The following AGBL1 variants were observed in gnomAD, a reference collection of about 807,000 sequenced individuals.
The protein encoded by AGBL1 is cytosolic carboxypeptidase 4.
In AGBL1, 130 loss-of-function variants were observed where a neutral mutation model predicts 118.9. The observed-to-expected ratio is 1.09, with a 90% CI of 0.95 to 1.26. The LOEUF is 1.26. Among genes scored for constraint, AGBL1 ranks in the 50% most tolerant of loss-of-function variants. The pLI is 0.00. For missense variants in AGBL1, 1,584 were observed against 1,298.1 expected, an observed-to-expected ratio of 1.22 and a Z score of -3.38; for synonymous variants, 555 against 478.9, an observed-to-expected ratio of 1.16 and a Z score of -2.08.
intron 22 of AGBL1, among the ~76,000 whole-genome samples, chr15:86,740,622 G>A (rs149538535): frequency 2.6e-5 from 4 of 152,268 alleles, no homozygotes; most frequent in African/African-American, 7.2e-5. Flanking sequence ...ATTTATAAGT[G>A]CTTGTAGAAG....
chr15:86,221,995 G>A (rs2078288109), intron 5 of AGBL1, among the ~76,000 whole-genome samples: 1 of 152,184 alleles, frequency 6.6e-6, no homozygotes, highest in African/African-American at 2.4e-5. Context: ...TGCCTAGACA[G>A]TCTGGTGAAG....
intron 18 of AGBL1, among the ~76,000 whole-genome samples, chr15:86,485,588 T>A (rs529162677): frequency 4.9e-4 from 75 of 152,262 alleles, no homozygotes; most frequent in Admixed American, 9.2e-4. Flanking sequence ...GTACACTGAA[T>A]TTTAAATTTT....
intron 16 of AGBL1, among the ~76,000 whole-genome samples, chr15:86,284,396 C>T (rs73451546): frequency 0.033 from 5,019 of 152,118 alleles, 283 homozygotes; most frequent in African/African-American, 0.12. Context: ...TATCTAGAGA[C>T]TAATCATTTC....
At chr15:86,330,136 C>T (rs1346488890) in intron 17 of AGBL1, among the ~76,000 whole-genome samples, 1 of 152,192 alleles carries the variant, frequency 6.6e-6, no homozygotes, top group South Asian at 2.1e-4. Context: ...TGCTGCCTCC[C>T]TGGGAGCTGA....
At chr15:86,848,539 T>A (rs1003295726) in intron 22 of AGBL1, among the ~76,000 whole-genome samples, 1 of 152,220 alleles carries the variant, frequency 6.6e-6, no homozygotes, top group African/African-American at 2.4e-5. Context: ...TACCCCTTTA[T>A]AATACATGGT....
intron 22 of AGBL1, among the ~76,000 whole-genome samples, chr15:86,826,267 C>G (rs374793628): frequency 3.3e-5 from 5 of 152,072 alleles, no homozygotes; most frequent in African/African-American, 1.2e-4. Context: ...TTCTGGAGAA[C>G]TAACTGTTGC....
At chr15:86,194,202 G>A (rs1415192516) in intron 5 of AGBL1, among the ~76,000 whole-genome samples, 2 of 152,144 alleles carry the variant, frequency 1.3e-5, no homozygotes. Flanking sequence ...TCGTTTGGCT[G>A]GGCTGCTCTA....
chr15:86,259,332 T>A (rs1227703445), intron 9 of AGBL1, among the ~76,000 whole-genome samples: 1 of 152,238 alleles, frequency 6.6e-6, no homozygotes, highest in Non-Finnish European at 1.5e-5. Context: ...TTGGTGGACA[T>A]GGACTTTGAC....
chr15:86,702,784 G>A (rs889147550), intron 22 of AGBL1, among the ~76,000 whole-genome samples: 10 of 151,818 alleles, frequency 6.6e-5, no homozygotes, highest in South Asian at 4.2e-4. Context: ...GCTTGTCTTC[G>A]TCTGCTGGTG....
At chr15:86,756,579 C>T (rs1403446695) in intron 22 of AGBL1, among the ~76,000 whole-genome samples, 2 of 152,044 alleles carry the variant, frequency 1.3e-5, no homozygotes, top group Non-Finnish European at 2.9e-5. Flanking sequence ...GGGAAGATTT[C>T]CCATAGTAGC....
intron 22 of AGBL1, among the ~76,000 whole-genome samples, chr15:86,734,193 G>A (rs1385277440): frequency 6.6e-6 from 1 of 152,170 alleles, no homozygotes; most frequent in Non-Finnish European, 1.5e-5. Context: ...TAAATGTTAT[G>A]AAAGTTGTTC....
intron 9 of AGBL1, among the ~76,000 whole-genome samples, chr15:86,260,906 A>G (rs1464995842): frequency 6.6e-6 from 1 of 152,244 alleles, no homozygotes; most frequent in Admixed American, 6.5e-5. Context: ...AATGCCATTT[A>G]TAAGAAATAC....
intron 17 of AGBL1, chr15:86,296,683 AAATGCTTT>A (rs1409492363): frequency 1.3e-5 from 2 of 152,208 alleles, no homozygotes; most frequent in Non-Finnish European, 2.9e-5. Flanking sequence ...TGAGGCCCTA[AAATGCTTT>A]AATGAATAAT....
chr15:86,885,443 A>G (rs1238749220), intron 22 of AGBL1, among the ~76,000 whole-genome samples: 1 of 152,160 alleles, frequency 6.6e-6, no homozygotes, highest in African/African-American at 2.4e-5. Flanking sequence ...ATACTTCACA[A>G]CTATTAAAAT....
intron 22 of AGBL1, among the ~76,000 whole-genome samples, chr15:86,809,009 A>G (rs1423370872): frequency 1.3e-5 from 2 of 152,142 alleles, no homozygotes; most frequent in East Asian, 3.8e-4. Context: ...TTTCTTTCGT[A>G]AAGTACTATT....
At chr15:86,637,777 G>A (rs1057507907) in intron 21 of AGBL1, among the ~76,000 whole-genome samples, 1 of 152,030 alleles carries the variant, frequency 6.6e-6, no homozygotes, top group Admixed American at 6.6e-5. Context: ...GAAAGAGAAG[G>A]AACACACCAG....
intron 22 of AGBL1, among the ~76,000 whole-genome samples, chr15:86,746,722 C>CT (rs2077762117): frequency 6.6e-6 from 1 of 152,030 alleles, no homozygotes; most frequent in South Asian, 2.1e-4. Context: ...ATGGCAGCCA[C>CT]TGTATCTAGT....
chr15:86,551,346 C>T (rs2142264127), intron 20 of AGBL1, among the ~76,000 whole-genome samples: 1 of 152,042 alleles, frequency 6.6e-6, no homozygotes, highest in Non-Finnish European at 1.5e-5. Context: ...CATTATTTAG[C>T]TAGACAAAGA....
chr15:86,545,671 C>A (rs1011320357), intron 19 of AGBL1, among the ~76,000 whole-genome samples: 1 of 152,104 alleles, frequency 6.6e-6, no homozygotes, highest in Non-Finnish European at 1.5e-5. Context: ...TTCCTATTTT[C>A]TTTTCCAGCT....
Sources: allele counts gnomAD v4.1 joint callset (sites outside exome capture counted in the v4.1 genomes callset), GRCh38; gene constraint gnomAD v4.1.1; transcripts MANE v1.5; gene names NCBI Gene and HGNC (gene_info 2026-07-23, HGNC 2026-07-21).